PRDM1: variants seen among roughly 807,000 people sequenced by gnomAD.
The protein encoded by PRDM1 is PR/SET domain 1, also known as PR domain zinc finger protein 1.
Under a neutral mutation model 62.8 loss-of-function variants are expected in PRDM1, and 13 were observed. The observed-to-expected ratio is 0.21, with a 90% CI of 0.13 to 0.33. The LOEUF is 0.33. Ranked by LOEUF, PRDM1 falls within the 10% of genes least tolerant of loss-of-function variation. The pLI, the probability that PRDM1 is intolerant of heterozygous loss-of-function variation, is 1.00. For missense variants in PRDM1, 895 were observed against 1,058.8 expected (o/e 0.85, Z 2.15); for synonymous variants, 396 against 417.6 (o/e 0.95, Z 0.63).
chr6:106,086,200 T>C (rs999893069), upstream of PRDM1: 7 of 330,928 alleles, frequency 2.1e-5, no homozygotes, highest in African/African-American at 6.3e-5. Flanking sequence ...GAGAGGAAGC[T>C]CTCGGCGGCT....
upstream of PRDM1, among the ~76,000 whole-genome samples, chr6:106,084,851 G>A (rs1773761621): frequency 6.6e-6 from 1 of 152,104 alleles, no homozygotes; most frequent in Non-Finnish European, 1.5e-5. Flanking sequence ...GGCATAACAT[G>A]CAATCACAGG....
intron 1 of PRDM1, among the ~76,000 whole-genome samples, chr6:105,997,972 G>A (rs1772369964): frequency 6.6e-6 from 1 of 152,174 alleles, no homozygotes; most frequent in Admixed American, 6.5e-5. Flanking sequence ...GAATTAAAAA[G>A]TAAACTGGTT....
In PRDM1 at chr6:106,108,031, CCT is replaced by C. The variant is rs901363674; in HGVS notation, c.*554_*555del. ...TAAACAAATATATGACTTCAGTCAA[CCT>C]CTCTCTCTAATAATGGTTTGAAAAT... On this transcript the variant is annotated 3_prime_UTR_variant, in exon 7 of 7. Coordinates refer to ENST00000369096, the MANE Select transcript of PRDM1 (RefSeq NM_001198.4). The C allele has an allele frequency of 8.6e-6, 2 of 232,660 alleles. No individual in the cohort carries two copies. The highest frequency in any genetic ancestry group is 1.7e-5 in the Non-Finnish European group (2 of 117,568). 14.4% of individuals were successfully genotyped at this position (232,660 alleles called of 1,614,324 possible).
intron 1 of PRDM1, among the ~76,000 whole-genome samples, chr6:106,050,320 A>T (rs1350803278): frequency 6.6e-6 from 1 of 152,236 alleles, no homozygotes; most frequent in East Asian, 1.9e-4. Flanking sequence ...ATCTTGGATA[A>T]GTTATACTCT....
intron 1 of PRDM1, among the ~76,000 whole-genome samples, chr6:106,038,017 T>TTTTTTTTTTTTTTTTTTTTTTTTTTTTC: frequency 1.1e-5 from 1 of 94,874 alleles, no homozygotes; most frequent in Non-Finnish European, 2.1e-5. Context: ...TTTTTGTCTT[T>TTTTTTTTTTTTTTTTTTTTTTTTTTTTC]TTTTTTTTTT....
upstream of PRDM1, among the ~76,000 whole-genome samples, chr6:106,044,186 TTTTC>T (rs1176037774): frequency 2.0e-5 from 3 of 151,262 alleles, no homozygotes; most frequent in Non-Finnish European, 2.9e-5. Flanking sequence ...TCTTTCCTTT[TTTTC>T]TTTCTTTTTT....
At position 106,086,430 on chromosome 6, in the gene PRDM1, GCGGGCGCC is replaced by G; in HGVS notation, c.-117_-110del. 1 of 853,610 alleles carries G rather than the reference GCGGGCGCC, an allele frequency of 1.2e-6. No individual in the cohort carries two copies. The highest frequency in any genetic ancestry group is 2.8e-5 in the East Asian group (1 of 36,202). The allele number at this position is 853,610 out of a possible 1,614,324, so 52.9% of individuals were successfully genotyped here. A position where few individuals can be genotyped will look rare whatever the true frequency, so the allele number is the denominator to read the frequency against. ...GCACCTGTCCGCCCGGAGCTGGGACGCGGGCGCCCGGGCGGCCGGACGAAGCGAGGAGG... is the reference window on the plus strand; with the variant it reads ...GCACCTGTCCGCCCGGAGCTGGGACGCGGGCGGCCGGACGAAGCGAGGAGG... On this transcript the variant is annotated 5_prime_UTR_variant, in exon 1 of 7. Transcript: ENST00000369096.
intron 1 of PRDM1, among the ~76,000 whole-genome samples, chr6:106,037,140 T>C (rs1325107683): frequency 1.3e-5 from 2 of 152,190 alleles, no homozygotes; most frequent in African/African-American, 4.8e-5. Context: ...TTTTGAAGGA[T>C]AGTTTTGCTT....
At chr6:106,010,992 T>A (rs1772538339) in intron 1 of PRDM1, among the ~76,000 whole-genome samples, 1 of 152,142 alleles carries the variant, frequency 6.6e-6, no homozygotes, top group Non-Finnish European at 1.5e-5. Context: ...AGCCACTGAG[T>A]AGCAGCAGGA....
In PRDM1 at chr6:105,994,856, G is replaced by A. The variant is rs556527045; in HGVS notation, c.-67+1217G>A. 6.6e-6 allele frequency among the ~76,000 whole-genome samples: 1 copy of A among 152,212 alleles called. No homozygotes were observed. The highest frequency in any genetic ancestry group is 1.5e-5 in the Non-Finnish European group (1 of 68,028). On this transcript the variant is annotated intron_variant, in intron 1 of 6. Transcript: ENST00000652320. The surrounding 1 kb of genome is among the most constrained non-coding windows in gnomAD (Gnocchi z 4.1). ...TCCAGTCCCGCCGCGTCGGGAATGC[G>A]AGCCCGGCCACGCGGTCCGACCGGG...
chr6:106,029,816 G>C (rs554388374), intron 1 of PRDM1, among the ~76,000 whole-genome samples: 1 of 151,892 alleles, frequency 6.6e-6, no homozygotes, highest in Non-Finnish European at 1.5e-5. Flanking sequence ...CTGGGATTTT[G>C]TCATGTTGCC....
Position 106,073,728 on chromosome 6 carries a change from C to T in PRDM1, c.-66-14473C>T, listed in dbSNP as rs149350585. On this transcript the variant is annotated intron_variant, in intron 1 of 6. Transcript: ENST00000651185. ...ATGATCAGTCACTGTACATGGAATC[C>T]CAGGCCCAGTGACCCATGAGGAGGG... 1.5e-3 allele frequency among the ~76,000 whole-genome samples: 230 copies of T among 152,198 alleles called. 1 individual carries two copies. The highest frequency in any genetic ancestry group is 5.5e-3 in the African/African-American group (227 of 41,526).
At chr6:106,011,636 A>G (rs1486550182) in intron 1 of PRDM1, among the ~76,000 whole-genome samples, 1 of 151,976 alleles carries the variant, frequency 6.6e-6, no homozygotes, top group Non-Finnish European at 1.5e-5. Flanking sequence ...CCCCCTGCAA[A>G]GCTGCTTACT....
chr6:106,043,708 ATT>A (rs1773034811), upstream of PRDM1, among the ~76,000 whole-genome samples: 1 of 151,852 alleles, frequency 6.6e-6, no homozygotes, highest in Non-Finnish European at 1.5e-5. Context: ...CTAATTTTGT[ATT>A]TTTAGTAGAG....
At chr6:106,028,061 A>G (rs1284288847) in intron 1 of PRDM1, among the ~76,000 whole-genome samples, 1 of 152,236 alleles carries the variant, frequency 6.6e-6, no homozygotes, top group African/African-American at 2.4e-5. Context: ...TAAAAAACAC[A>G]TTGAATACCT....
rs574133243 is a variant in PRDM1, at chr6:106,087,956, T to A, written c.43-245T>A. On this transcript the variant is annotated intron_variant, in intron 1 of 6. Transcript: ENST00000369096. ...GTGATTCTTTTTTTTTTTTTCCTTT[T>A]CCCCACAGTGAGGTTGCCACATTCT... 9.6e-5 allele frequency: 27 copies of A among 282,640 alleles called. No homozygotes were observed. The South Asian group carries it at 1.9e-3, about 20-fold the overall frequency. The allele number at this position is 282,640 out of a possible 1,614,324, so 17.5% of individuals were successfully genotyped here.
intron 1 of PRDM1, among the ~76,000 whole-genome samples, chr6:106,017,229 C>A (rs1197848463): frequency 6.6e-6 from 1 of 152,180 alleles, no homozygotes; most frequent in African/African-American, 2.4e-5. Context: ...GGTGCCCCAA[C>A]CCCCTCATTG....
intron 1 of PRDM1, among the ~76,000 whole-genome samples, chr6:106,072,728 G>A (rs1482307841): frequency 1.3e-5 from 2 of 152,200 alleles, no homozygotes; most frequent in African/African-American, 2.4e-5. Flanking sequence ...TCTACATCAT[G>A]AGCCCCGGGT....
chr6:106,008,675 AGAGG>A (rs1377712825), intron 1 of PRDM1, among the ~76,000 whole-genome samples: 3 of 152,168 alleles, frequency 2.0e-5, no homozygotes, highest in African/African-American at 7.2e-5. Context: ...TCTGAGTGTG[AGAGG>A]GAGGGTGGGG....
Sources: allele counts gnomAD v4.1 joint callset (sites outside exome capture counted in the v4.1 genomes callset), GRCh38; gene constraint gnomAD v4.1.1; non-coding constraint Gnocchi (gnomAD v3.1); transcripts MANE v1.5; gene names NCBI Gene and HGNC (gene_info 2026-07-23, HGNC 2026-07-21).